SPATA18: variants seen among roughly 807,000 people sequenced by gnomAD.
The protein encoded by SPATA18 is spermatogenesis associated 18.
Under a neutral mutation model 68.1 loss-of-function variants are expected in SPATA18, and 54 were observed. That is an observed-to-expected ratio of 0.79 (90% CI 0.64 to 0.99). The LOEUF is 0.99. SPATA18 is among the 50% of genes least tolerant of loss of function. The pLI is 0.00. For missense variants in SPATA18, 724 were observed against 681.1 expected, an observed-to-expected ratio of 1.06 and a Z score of -0.70; for synonymous variants, 242 against 244.8, an observed-to-expected ratio of 0.99 and a Z score of 0.11.
At chr4:52,056,189 T>C (rs1738327897) in intron 1 of SPATA18, among the ~76,000 whole-genome samples, 1 of 152,128 alleles carries the variant, frequency 6.6e-6, no homozygotes, top group Non-Finnish European at 1.5e-5. Context: ...CATCTGTGCA[T>C]GTGGCTTCTG....
intron 6 of SPATA18, among the ~76,000 whole-genome samples, chr4:52,073,789 G>C (rs1192485408): frequency 6.6e-6 from 1 of 152,158 alleles, no homozygotes; most frequent in Non-Finnish European, 1.5e-5. Flanking sequence ...TACTTTGGGA[G>C]AGTGTGTTTA....
intron 10 of SPATA18, chr4:52,083,268 C>G: frequency 1.0e-6 from 1 of 985,286 alleles, no homozygotes; most frequent in South Asian, 4.7e-5. Context: ...CAGGATGATG[C>G]CCACAGCTGG....
In SPATA18 at chr4:52,087,624, T is replaced by G. The variant is rs1284756249; in HGVS notation, c.1563+2625T>G. ...TGAGGCCTCTGTTCTGTTCCATTGG[T>G]CTATATATCTGTTTTTGTACAAGTA... On this transcript the variant is annotated intron_variant, in intron 11 of 12. Transcript: ENST00000295213. Among the ~76,000 whole-genome samples the G allele has an allele frequency of 3.3e-5, 5 of 152,152 alleles. No individual in the cohort carries two copies. The South Asian group carries it at 1.0e-3, about 32-fold the overall frequency.
In SPATA18 at chr4:52,051,828, C is replaced by T. The variant is rs761545566; in HGVS notation, c.87+37C>T. On this transcript the variant is annotated intron_variant, in intron 1 of 12. Coordinates refer to ENST00000295213, the MANE Select transcript of SPATA18 (RefSeq NM_145263.4). ...TGAAAAACCCCCGGGGTTCGCCCTCCCATAGGTTCCAGCACAGCCCTTGTC... is the reference window on the plus strand; with the variant it reads ...TGAAAAACCCCCGGGGTTCGCCCTCTCATAGGTTCCAGCACAGCCCTTGTC... 2.5e-6 allele frequency: 4 copies of T among 1,569,320 alleles called. No individual in the cohort carries two copies. In the South Asian group the frequency reaches 4.4e-5, roughly 17 times the overall value.
chr4:52,060,460 C>T lies in SPATA18; in HGVS notation c.129C>T (p.Leu43=), dbSNP rs1253994583. Residue 43 remains leucine, a synonymous_variant, in exon 2 of 13, where the codon CTC becomes CTT. Coordinates refer to ENST00000295213, the MANE Select transcript of SPATA18 (RefSeq NM_145263.4). Reference sequence around the variant, plus strand: ...AAAATCTAAACCATTGCCTTGAACTCATTGAGCAAGTTGCCAAGGTGCAGG... The same window carrying T: ...AAAATCTAAACCATTGCCTTGAACTTATTGAGCAAGTTGCCAAGGTGCAGG... ...CDQNLNHCLE[L]IEQVAKVQGQ... The T allele has an allele frequency of 1.2e-6, 2 of 1,614,082 alleles. No homozygotes were observed. The highest frequency in any genetic ancestry group is 3.3e-5 in the Admixed American group (2 of 59,986).
At chr4:52,068,743 G>A (rs1227181819) in intron 4 of SPATA18, among the ~76,000 whole-genome samples, 2 of 152,210 alleles carry the variant, frequency 1.3e-5, no homozygotes, top group African/African-American at 4.8e-5. Flanking sequence ...TTAGCCTCAG[G>A]ACAAGTGCTA....
At chr4:52,077,661 T>C (rs974144412) in intron 7 of SPATA18, among the ~76,000 whole-genome samples, 2 of 152,158 alleles carry the variant, frequency 1.3e-5, no homozygotes, top group African/African-American at 4.8e-5. Flanking sequence ...ACACAGTGGA[T>C]ATATTATTGC....
rs755595266 is a variant in SPATA18 at position 52,051,751 on chromosome 4, C to A, written c.47C>A (p.Thr16Lys). The A allele has an allele frequency of 5.0e-5, 80 of 1,614,098 alleles. 1 individual carries two copies. In the East Asian group the frequency reaches 6.5e-4, roughly 13 times the overall value. Residue 16 changes from threonine (T) to lysine (K), a missense_variant, in exon 1 of 13, where the codon ACG (threonine) becomes AAG (lysine). Transcript: ENST00000295213. ...CTGGTCTCAAACGAAACTTTACGAA[C>A]GTTGCAGGAAAAGCTAGACTTCTGG... The part of the protein sequence containing the change: ...KRLVSNETLR[T>K]LQEKLDFWLK...
rs572197692 is a variant in SPATA18, at chr4:52,094,105, A to G, written c.1564-422A>G. Among the ~76,000 whole-genome samples the G allele has an allele frequency of 1.6e-4, 25 of 152,244 alleles. No homozygotes were observed. The Middle Eastern group carries it at 0.017, about 104-fold the overall frequency. Reference sequence around the variant, plus strand: ...TTGTGGTTCCGGTGCAGTACCTTCTACTTAGTGAAAGTAAAGGTGAGATTT... The same window carrying G: ...TTGTGGTTCCGGTGCAGTACCTTCTGCTTAGTGAAAGTAAAGGTGAGATTT... On this transcript the variant is annotated intron_variant, in intron 11 of 12. Coordinates refer to ENST00000295213, the MANE Select transcript of SPATA18 (RefSeq NM_145263.4).
intron 5 of SPATA18, among the ~76,000 whole-genome samples, chr4:52,070,880 T>TGG (rs34959256): frequency 0.021 from 3,075 of 143,752 alleles, 82 homozygotes; most frequent in African/African-American, 0.065. Context: ...AAAGAGTAAG[T>TGG]GGGGGGGGGG....
intron 10 of SPATA18, 169 bp downstream of exon 10, chr4:52,082,679 T>C (rs1307208947): frequency 6.7e-7 from 1 of 1,484,028 alleles, no homozygotes; most frequent in African/African-American, 1.4e-5. Context: ...TTTTCTTTGA[T>C]TCTTCCATAA....
chr4:52,084,050 C>CAAAAAAAAAAAAAA (rs34421319), intron 10 of SPATA18, among the ~76,000 whole-genome samples: 1 of 129,414 alleles, frequency 7.7e-6, no homozygotes, highest in Non-Finnish European at 1.6e-5. Flanking sequence ...GAGATCCTGT[C>CAAAAAAAAAAAAAA]AAAAAAAAAA....
At chr4:52,070,431 G>A (rs1739707814) in intron 5 of SPATA18, among the ~76,000 whole-genome samples, 1 of 150,970 alleles carries the variant, frequency 6.6e-6, no homozygotes, top group Admixed American at 6.7e-5. Flanking sequence ...CAGTTGAACT[G>A]TCAGATTATT....
Position 52,062,309 on chromosome 4 carries a change from T to C in SPATA18, c.399T>C (p.Ser133=). 6.2e-7 allele frequency: 1 copy of C among 1,606,014 alleles called. No homozygotes were observed. The highest frequency in any genetic ancestry group is 2.2e-5 in the East Asian group (1 of 44,610). The change falls in exon 4 of 13, where the codon AGT becomes AGC. Residue 133 remains serine (S), a synonymous_variant. Transcript: ENST00000295213. Reference sequence around the variant, plus strand: ...ACTCTAATTTGAACTCAACCCGGAGTCAATGCAACCAGGTTCAAGACGAGT... The same window carrying C: ...ACTCTAATTTGAACTCAACCCGGAGCCAATGCAACCAGGTTCAAGACGAGT... ...QLDSNLNSTR[S]QCNQVQDDLV...
In SPATA18 at chr4:52,072,060, A is replaced by G; in HGVS notation, c.662A>G (p.Gln221Arg). Residue 221 changes from glutamine (Q) to arginine (R), a missense_variant, in exon 6 of 13, where the codon CAG (glutamine) becomes CGG (arginine). Coordinates refer to ENST00000295213, the MANE Select transcript of SPATA18 (RefSeq NM_145263.4). ...TCACTCAAGCAGAATGCAGACCAGC[A>G]GGACACAGAAGCCATGTCCGATTAT... ...WNSLKQNADQ[Q>R]DTEAMSDYKK... The G allele has an allele frequency of 1.2e-6, 2 of 1,613,988 alleles. No homozygotes were observed. The highest frequency in any genetic ancestry group is 1.7e-6 in the Non-Finnish European group (2 of 1,180,016).
rs879724766 is a variant in SPATA18 at position 52,051,465 on chromosome 4, C to T, written c.-240C>T. The T allele has an allele frequency of 5.8e-5, 31 of 536,648 alleles. No homozygotes were observed. In the Middle Eastern group the frequency reaches 2.0e-3, roughly 35 times the overall value. 33.2% of individuals were successfully genotyped at this position (536,648 alleles called of 1,614,324 possible). ...CGGGCTCAGGCGGCTGCTGGGGAGC[C>T]AGGAGACCGCGCGGGACGGCGGATG... On this transcript the variant is annotated 5_prime_UTR_variant, in exon 1 of 13. An upstream open reading frame in the 5' UTR gains an earlier in-frame stop. Transcript: ENST00000295213.
chr4:52,073,043 C>G (rs954709575), intron 6 of SPATA18, among the ~76,000 whole-genome samples: 2 of 152,140 alleles, frequency 1.3e-5, no homozygotes, highest in South Asian at 4.1e-4. Flanking sequence ...CCTCAAGCCC[C>G]TAATGTGTTC....
In SPATA18 at chr4:52,085,138, T is replaced by C; in HGVS notation, c.1563+139T>C. On this transcript the variant is annotated intron_variant, in intron 11 of 12. Coordinates refer to ENST00000295213, the MANE Select transcript of SPATA18 (RefSeq NM_145263.4). Reference sequence around the variant, plus strand: ...CTGTTGCAATAATGCTAGCTCCAAATTGATTTTTATACTACTGTGGGCTAA... The same window carrying C: ...CTGTTGCAATAATGCTAGCTCCAAACTGATTTTTATACTACTGTGGGCTAA... 1.0e-5 allele frequency: 6 copies of C among 600,822 alleles called. No homozygotes were observed. In the South Asian group the frequency reaches 1.4e-4, roughly 14 times the overall value. The allele number at this position is 600,822 out of a possible 1,614,324, so 37.2% of individuals were successfully genotyped here. A position where few individuals can be genotyped will look rare whatever the true frequency, so the allele number is the denominator to read the frequency against.
At position 52,084,976 on chromosome 4, in the gene SPATA18, C is replaced by T. The variant is rs138302534; in HGVS notation, c.1540C>T (p.Arg514Cys). Residue 514 changes from arginine to cysteine, a missense_variant, in exon 11 of 13, where the codon CGT (arginine) becomes TGT (cysteine). By Grantham distance (180) the Arg-to-Cys change is radical. Coordinates refer to ENST00000295213, the MANE Select transcript of SPATA18 (RefSeq NM_145263.4). Reference protein sequence around the residue: ...RSRSLSPICPRSQIGLNTMSR... With the variant: ...RSRSLSPICPCSQIGLNTMSR... Reference sequence around the variant, plus strand: ...CAGGAGTTTAAGTCCCATTTGCCCCCGTAGCCAAATTGGTTTAAACACGGT... The same window carrying T: ...CAGGAGTTTAAGTCCCATTTGCCCCTGTAGCCAAATTGGTTTAAACACGGT... 1,613 of 1,613,442 alleles carry T rather than the reference C, an allele frequency of 1.0e-3. 2 individuals carry two copies. Among genetic ancestry groups the T allele is most frequent in the Non-Finnish European group, 9.9e-4 (1,165 of 1,179,832 alleles).
Sources: gnomAD v4.1 joint callset for allele counts (sites outside exome capture counted in the v4.1 genomes callset) on GRCh38, gnomAD v4.1.1 for gene constraint, MANE v1.5 for transcripts, NCBI Gene and HGNC (gene_info 2026-07-23, HGNC 2026-07-21) for gene names.